Variants in GRM8 observed in about 807,000 individuals in gnomAD.
GRM8 encodes the protein glutamate metabotropic receptor 8, also known as metabotropic glutamate receptor 8.
Under a neutral mutation model 87.2 loss-of-function variants are expected in GRM8, and 47 were observed. The ratio of observed to expected loss-of-function variants is 0.54; its 90% confidence interval spans 0.43 to 0.69. The LOEUF (loss-of-function observed/expected upper bound fraction) is 0.69. Ranked by LOEUF, GRM8 falls within the 30% of genes least tolerant of loss-of-function variation. The pLI is 0.00. For synonymous variants in GRM8, 396 were observed against 404.5 expected, an observed-to-expected ratio of 0.98 and a Z score of 0.25; for missense variants, 1,019 against 1,139.2, an observed-to-expected ratio of 0.89 and a Z score of 1.52.
At chr7:126,674,946 C>G (rs2151316025) in intron 7 of GRM8, among the ~76,000 whole-genome samples, 1 of 152,276 alleles carries the variant, frequency 6.6e-6, no homozygotes, top group South Asian at 2.1e-4. Flanking sequence ...TCTTCAAGGG[C>G]TAGGGTGAGG....
At chr7:126,523,013 A>G (rs1283872149) in intron 9 of GRM8, among the ~76,000 whole-genome samples, 1 of 152,254 alleles carries the variant, frequency 6.6e-6, no homozygotes, top group Non-Finnish European at 1.5e-5. Flanking sequence ...ATCATCAGCT[A>G]TAAGCTGACA....
chr7:126,494,822 A>C (rs1177153812), intron 9 of GRM8, among the ~76,000 whole-genome samples: 1 of 152,022 alleles, frequency 6.6e-6, no homozygotes, highest in Non-Finnish European at 1.5e-5. Context: ...TACTAAAATC[A>C]CAAAATACAA....
At chr7:127,195,567 T>C (rs896207480) in intron 2 of GRM8, among the ~76,000 whole-genome samples, 4 of 152,196 alleles carry the variant, frequency 2.6e-5, no homozygotes, top group African/African-American at 9.6e-5. Flanking sequence ...GTACTCAATG[T>C]GGCCAGTTCT....
Position 126,643,307 on chromosome 7 carries a change from AAAAAAAAAAAAAATATATAT to A in GRM8, c.1358-33829_1358-33810del, listed in dbSNP as rs1442349564. 2.9e-4 allele frequency among the ~76,000 whole-genome samples: 10 copies of A among 35,022 alleles called. 1 individual carries two copies. The highest frequency in any genetic ancestry group is 3.5e-4 in the African/African-American group (4 of 11,302). 23.0% of individuals were successfully genotyped at this position (35,022 alleles called of 152,430 possible). A position where few individuals can be genotyped will look rare whatever the true frequency, so the allele number is the denominator to read the frequency against. ...ACTTGTCTCAAAAAAAAAAAAAAAA[AAAAAAAAAAAAAATATATAT>A]ATATATATATATATATATATATATA... On this transcript the variant is annotated intron_variant, in intron 7 of 10. Transcript: ENST00000339582.
intron 7 of GRM8, among the ~76,000 whole-genome samples, chr7:126,707,854 G>A (rs1479470634): frequency 6.6e-6 from 1 of 151,976 alleles, no homozygotes; most frequent in Non-Finnish European, 1.5e-5. Flanking sequence ...TTTTTGGCTA[G>A]AACACCAAGA....
intron 7 of GRM8, among the ~76,000 whole-genome samples, chr7:126,678,274 T>C (rs1238198342): frequency 1.3e-5 from 2 of 152,240 alleles, no homozygotes; most frequent in Non-Finnish European, 2.9e-5. Context: ...ATTTAAGACA[T>C]ACCTGGTTTA....
intron 3 of GRM8, among the ~76,000 whole-genome samples, chr7:127,068,378 C>A (rs936356912): frequency 6.6e-6 from 1 of 152,130 alleles, no homozygotes; most frequent in African/African-American, 2.4e-5. Flanking sequence ...TAAGGGGATT[C>A]CAGGCACATT....
intron 8 of GRM8, among the ~76,000 whole-genome samples, chr7:126,607,064 T>A (rs1180036288): frequency 6.6e-6 from 1 of 152,250 alleles, no homozygotes; most frequent in Non-Finnish European, 1.5e-5. Flanking sequence ...TTTCCTATCT[T>A]AGACCTTGTC....
chr7:126,690,231 G>A (rs144473103), intron 7 of GRM8, among the ~76,000 whole-genome samples: 23 of 152,328 alleles, frequency 1.5e-4, no homozygotes, highest in Non-Finnish European at 2.9e-4. Context: ...GGCAGGCTGC[G>A]CTCAGCTCGC....
chr7:126,891,839 G>T (rs1012084692), intron 6 of GRM8, among the ~76,000 whole-genome samples: 4 of 151,764 alleles, frequency 2.6e-5, no homozygotes, highest in Non-Finnish European at 4.4e-5. Context: ...TCACGAACAT[G>T]TCCTTGACAT....
intron 3 of GRM8, among the ~76,000 whole-genome samples, chr7:127,000,285 A>G (rs1173380693): frequency 6.6e-6 from 1 of 151,556 alleles, no homozygotes. Context: ...GGAATTGTTA[A>G]TGGGTGAAAA....
chr7:127,252,916 G>C lies in GRM8; in HGVS notation c.-431C>G, dbSNP rs977627343. The C allele has an allele frequency of 1.1e-4, 23 of 204,084 alleles. No homozygotes were observed. The highest frequency in any genetic ancestry group is 2.2e-4 in the Non-Finnish European group (23 of 105,162). The allele number at this position is 204,084 out of a possible 1,614,324, so 12.6% of individuals were successfully genotyped here. A position where few individuals can be genotyped will look rare whatever the true frequency, so the allele number is the denominator to read the frequency against. ...GAGCACAGCGGCCGCACTTGTGGCTGATCTCTGGGCTGAGGGGGCTGAGCT... is the reference window on the plus strand; with the variant it reads ...GAGCACAGCGGCCGCACTTGTGGCTCATCTCTGGGCTGAGGGGGCTGAGCT... On this transcript the variant is annotated 5_prime_UTR_variant, in exon 1 of 11. In the 5' UTR this introduces an upstream ATG that the reference lacks. Transcript: ENST00000339582. The surrounding 1 kb of genome is among the most constrained non-coding windows in gnomAD (Gnocchi z 4.9).
chr7:127,045,374 C>G (rs1316190361), intron 3 of GRM8, among the ~76,000 whole-genome samples: 1 of 151,726 alleles, frequency 6.6e-6, no homozygotes, highest in Non-Finnish European at 1.5e-5. Flanking sequence ...TATCTTCCAC[C>G]AGGATGTGGT....
rs1242288123 is a variant in GRM8 at position 126,467,285 on chromosome 7, G to C, written c.2431-20913C>G. On this transcript the variant is annotated intron_variant, in intron 9 of 10. Transcript: ENST00000339582. Reference sequence around the variant, plus strand: ...CTGTGTTAGTTTATTTCGTTGCTGAGTCTTCAAGAATGCCTCTAGAATCTT... The same window carrying C: ...CTGTGTTAGTTTATTTCGTTGCTGACTCTTCAAGAATGCCTCTAGAATCTT... 2.0e-5 allele frequency among the ~76,000 whole-genome samples: 3 copies of C among 151,960 alleles called. No homozygotes were observed. The South Asian group carries it at 6.2e-4, about 32-fold the overall frequency.
chr7:127,068,069 A>G (rs1199516022), intron 3 of GRM8, among the ~76,000 whole-genome samples: 1 of 152,190 alleles, frequency 6.6e-6, no homozygotes, highest in Non-Finnish European at 1.5e-5. Flanking sequence ...ATAATTTACC[A>G]TGATATGGTG....
chr7:126,912,434 T>G (rs1449555836), intron 3 of GRM8, among the ~76,000 whole-genome samples: 1 of 152,206 alleles, frequency 6.6e-6, no homozygotes, highest in Non-Finnish European at 1.5e-5. Flanking sequence ...ACTACACCAC[T>G]GGTTTTCTTG....
intron 6 of GRM8, among the ~76,000 whole-genome samples, chr7:126,786,128 G>A (rs891547910): frequency 1.3e-5 from 2 of 152,138 alleles, no homozygotes; most frequent in East Asian, 3.9e-4. Context: ...TGTTGTGAAA[G>A]AGAGAATAAT....
At chr7:126,780,141 C>A (rs1174384613) in intron 6 of GRM8, among the ~76,000 whole-genome samples, 5 of 152,154 alleles carry the variant, frequency 3.3e-5, no homozygotes, top group Non-Finnish European at 5.9e-5. Context: ...TTCATATATT[C>A]AATTACTAAG....
chr7:126,560,306 T>G (rs1793569418), intron 8 of GRM8, among the ~76,000 whole-genome samples: 4 of 152,268 alleles, frequency 2.6e-5, no homozygotes, highest in South Asian at 2.1e-4. Flanking sequence ...ATAAAACCTA[T>G]GAATAACATT....
Sources: allele counts gnomAD v4.1 joint callset (sites outside exome capture counted in the v4.1 genomes callset), GRCh38; gene constraint gnomAD v4.1.1; non-coding constraint Gnocchi (gnomAD v3.1); transcripts MANE v1.5; gene names NCBI Gene and HGNC (gene_info 2026-07-23, HGNC 2026-07-21).